The following RAD51B variants were observed in gnomAD, a reference collection of about 807,000 sequenced individuals.
RAD51B encodes RAD51 paralog B, also known as DNA repair protein RAD51 homolog 2.
A neutral mutation model predicts 42.2 loss-of-function variants in RAD51B; 38 were observed. That is an observed-to-expected ratio of 0.90 (90% confidence interval 0.70 to 1.18). The LOEUF is 1.18. RAD51B is among the 50% of genes most tolerant of loss of function. The probability of loss-of-function intolerance (pLI) is 0.00; values close to 1 mark genes in which losing one functional copy is unlikely to be tolerated. For synonymous variants in RAD51B, 154 were observed against 145.2 expected (o/e 1.06, Z -0.43); for missense variants, 373 against 400.7 (o/e 0.93, Z 0.59).
At chr14:68,271,260 T>C (rs2081098914) in intron 7 of RAD51B, among the ~76,000 whole-genome samples, 1 of 150,984 alleles carries the variant, frequency 6.6e-6, no homozygotes, top group African/African-American at 2.5e-5. Flanking sequence ...CCTACAGCAG[T>C]GCTTGGTGCA....
At chr14:68,433,220 T>A (rs1020969176) in intron 9 of RAD51B, among the ~76,000 whole-genome samples, 11 of 152,236 alleles carry the variant, frequency 7.2e-5, no homozygotes, top group South Asian at 2.1e-4. Context: ...CTGACAATTA[T>A]GTGTCTTGGA....
At chr14:68,197,009 C>T (rs1428961960) in intron 7 of RAD51B, among the ~76,000 whole-genome samples, 1 of 152,162 alleles carries the variant, frequency 6.6e-6, no homozygotes, top group African/African-American at 2.4e-5. Flanking sequence ...GTTTAAGACT[C>T]TAACTGGAGG....
intron 8 of RAD51B, among the ~76,000 whole-genome samples, chr14:68,315,546 G>T (rs2082040042): frequency 6.6e-6 from 1 of 151,916 alleles, no homozygotes; most frequent in Non-Finnish European, 1.5e-5. Context: ...TTTTGAGACA[G>T]AGTCTCACTC....
chr14:68,478,389 G>A (rs750346267), downstream of RAD51B, among the ~76,000 whole-genome samples: 7 of 152,222 alleles, frequency 4.6e-5, no homozygotes, highest in Non-Finnish European at 7.3e-5. Flanking sequence ...GACTCATGCA[G>A]TATTTAATAA....
At chr14:68,010,350 A>G (rs1024462146) in intron 7 of RAD51B, among the ~76,000 whole-genome samples, 1 of 151,882 alleles carries the variant, frequency 6.6e-6, no homozygotes, top group Admixed American at 6.6e-5. Context: ...TATATAATCA[A>G]CTGATTATAC....
intron 7 of RAD51B, among the ~76,000 whole-genome samples, chr14:68,015,509 G>A (rs182149917): frequency 6.6e-6 from 1 of 152,198 alleles, no homozygotes; most frequent in African/African-American, 2.4e-5. Context: ...CATGGTGGAA[G>A]GCGAAGGAGG....
At chr14:68,184,613 AAAAAAAAAAACC>A (rs1480736815) in intron 7 of RAD51B, among the ~76,000 whole-genome samples, 638 of 60,306 alleles carry the variant, frequency 0.011, 23 homozygotes, top group African/African-American at 0.025. Context: ...CTGTCTAAAA[AAAAAAAAAAACC>A]AAAAAAAAAA....
intron 9 of RAD51B, among the ~76,000 whole-genome samples, chr14:68,414,035 C>T (rs796869411): frequency 1.3e-5 from 2 of 152,040 alleles, no homozygotes; most frequent in South Asian, 2.1e-4. Context: ...TTGAGCTCTA[C>T]ACCAGGGCTC....
intron 7 of RAD51B, among the ~76,000 whole-genome samples, chr14:68,242,984 G>C (rs1385784554): frequency 6.6e-6 from 1 of 152,152 alleles, no homozygotes; most frequent in South Asian, 2.1e-4. Flanking sequence ...CCCATAGGAG[G>C]ACAGCAAGTG....
intron 3 of RAD51B, among the ~76,000 whole-genome samples, chr14:67,828,965 A>G (rs2140285796): frequency 6.6e-6 from 1 of 152,308 alleles, no homozygotes; most frequent in Non-Finnish European, 1.5e-5. Flanking sequence ...TTGGCTATAC[A>G]GGCTCCTTTT....
intron 7 of RAD51B, among the ~76,000 whole-genome samples, chr14:68,076,881 A>G (rs1332579958): frequency 6.6e-6 from 1 of 152,228 alleles, no homozygotes; most frequent in Non-Finnish European, 1.5e-5. Context: ...TAGGCCTTAA[A>G]AAAGGAGGGA....
chr14:68,618,210 C>T (rs1291346000), intron 10 of RAD51B, among the ~76,000 whole-genome samples: 3 of 152,214 alleles, frequency 2.0e-5, no homozygotes, highest in East Asian at 1.9e-4. Context: ...CAGATTCACT[C>T]GCCACCCTTT....
chr14:68,113,944 G>A lies in RAD51B; in HGVS notation c.757-177940G>A, dbSNP rs529455093. ...GATGCCGCATTCATGAGGTTTCTCT[G>A]AAGTATGAATCTTCTGATGAGTAGG... is the stretch of plus-strand genomic sequence containing the variant. On this transcript the variant is annotated intron_variant, in intron 7 of 10. Coordinates refer to ENST00000471583, the MANE Select transcript of RAD51B (RefSeq NM_133510.4). 2.6e-5 allele frequency: 4 copies of A among 152,256 alleles called. No individual in the cohort carries two copies. The South Asian group carries it at 8.3e-4, about 32-fold the overall frequency. The allele number at this position is 152,256 out of a possible 1,614,324, so 9.4% of individuals were successfully genotyped here.
intron 10 of RAD51B, among the ~76,000 whole-genome samples, chr14:68,631,633 C>T (rs1259942215): frequency 3.9e-5 from 6 of 152,138 alleles, no homozygotes; most frequent in Non-Finnish European, 7.4e-5. Context: ...TAAGGTGCAC[C>T]TTTTCCTCTT....
intron 8 of RAD51B, among the ~76,000 whole-genome samples, chr14:68,351,539 T>TA (rs1482928112): frequency 5.3e-5 from 8 of 152,144 alleles, no homozygotes; most frequent in African/African-American, 1.9e-4. Context: ...CCCTGACCCT[T>TA]ACCTCAAAGG....
intron 11 of RAD51B, among the ~76,000 whole-genome samples, chr14:68,674,136 CAT>C (rs935379202): frequency 6.6e-6 from 1 of 152,024 alleles, no homozygotes; most frequent in Admixed American, 6.6e-5. Flanking sequence ...CATACACACA[CAT>C]ATACAATACT....
At chr14:68,656,046 G>A (rs1274872818) in intron 11 of RAD51B, among the ~76,000 whole-genome samples, 4 of 152,198 alleles carry the variant, frequency 2.6e-5, no homozygotes, top group African/African-American at 9.6e-5. Flanking sequence ...GCATGGTCCA[G>A]GTGCTGGCTT....
At chr14:68,325,318 A>G (rs757303040) in intron 8 of RAD51B, among the ~76,000 whole-genome samples, 28 of 152,218 alleles carry the variant, frequency 1.8e-4, no homozygotes, top group Non-Finnish European at 3.4e-4. Context: ...AACAACCACC[A>G]TCATAGGTAC....
At chr14:67,940,048 ATATATATTTTTTTTTTTTTTTTTTTTTTT>A (rs1188152693) in intron 7 of RAD51B, among the ~76,000 whole-genome samples, 7 of 13,768 alleles carry the variant, frequency 5.1e-4, no homozygotes, top group African/African-American at 1.2e-3. Context: ...ATATATATAT[ATATATATTTTTTTTTTTTTTTTTTTTTTT>A]TTTTTTTTTT....
Sources: gnomAD v4.1 joint callset for allele counts (sites outside exome capture counted in the v4.1 genomes callset) on GRCh38, gnomAD v4.1.1 for gene constraint, MANE v1.5 for transcripts, NCBI Gene and HGNC (gene_info 2026-07-23, HGNC 2026-07-21) for gene names.